BRD10: variants seen among roughly 807,000 people sequenced by gnomAD.
BRD10 encodes the protein uncharacterized bromodomain-containing protein 10.
chr9:5,982,305 T>A, the BRD10 span, among the ~76,000 whole-genome samples: 1 of 152,100 alleles, frequency 6.6e-6, no homozygotes. Flanking sequence ...AGGACTGTGA[T>A]CACCAAGAGA....
At chr9:6,006,230 C>G in the BRD10 span, among the ~76,000 whole-genome samples, 2 of 152,130 alleles carry the variant, frequency 1.3e-5, no homozygotes, top group African/African-American at 4.8e-5. Context: ...TCATTAAATC[C>G]TCAAAGCAAC....
the BRD10 span, among the ~76,000 whole-genome samples, chr9:5,962,022 T>C: frequency 1.1e-3 from 169 of 148,310 alleles, no homozygotes; most frequent in Middle Eastern, 3.2e-3. Context: ...TTCTGCTAGC[T>C]TTTGAATATG....
At chr9:5,969,142 A>C in the BRD10 span, 1 of 1,613,910 alleles carries the variant, frequency 6.2e-7, no homozygotes, top group Non-Finnish European at 8.5e-7. Context: ...TATAAGGCAA[A>C]GTAGGTCTTC....
chr9:5,973,463 T>C, the BRD10 span, among the ~76,000 whole-genome samples: 1 of 152,118 alleles, frequency 6.6e-6, no homozygotes, highest in African/African-American at 2.4e-5. Flanking sequence ...TGAGACTCCA[T>C]CTCAAAAAAT....
the BRD10 span, among the ~76,000 whole-genome samples, chr9:5,899,967 T>C: frequency 6.6e-6 from 1 of 152,244 alleles, no homozygotes; most frequent in Non-Finnish European, 1.5e-5. Flanking sequence ...ACACAATGTA[T>C]ATCCATTTTT....
At chr9:5,935,662 C>A in the BRD10 span, among the ~76,000 whole-genome samples, 1 of 152,170 alleles carries the variant, frequency 6.6e-6, no homozygotes, top group South Asian at 2.1e-4. Context: ...ACAATCTAAA[C>A]CACAAAGTAA....
the BRD10 span, among the ~76,000 whole-genome samples, chr9:5,984,346 A>G: frequency 6.6e-6 from 1 of 152,216 alleles, no homozygotes; most frequent in East Asian, 1.9e-4. Flanking sequence ...AATGGTATAC[A>G]GAGGCATACT....
At chr9:5,921,253 T>C in the BRD10 span, 3 of 1,614,030 alleles carry the variant, frequency 1.9e-6, no homozygotes, top group Admixed American at 1.7e-5. Context: ...TTACAATTGC[T>C]TGACCTATGT....
chr9:6,005,821 T>TTA, the BRD10 span, among the ~76,000 whole-genome samples: 2 of 152,202 alleles, frequency 1.3e-5, no homozygotes, highest in South Asian at 2.1e-4. Flanking sequence ...TACTAAAGTA[T>TTA]TAAAAGTAAT....
the BRD10 span, among the ~76,000 whole-genome samples, chr9:5,882,809 C>T: frequency 3.3e-5 from 5 of 152,162 alleles, no homozygotes; most frequent in Non-Finnish European, 1.5e-5. Context: ...CACATATACA[C>T]CATGGAATAC....
the BRD10 span, chr9:5,923,100 C>T: frequency 6.8e-6 from 11 of 1,613,978 alleles, no homozygotes; most frequent in Non-Finnish European, 9.3e-6. Flanking sequence ...ACATCACTTT[C>T]TAGATTCTCA....
the BRD10 span, among the ~76,000 whole-genome samples, chr9:5,892,055 T>C: frequency 6.6e-6 from 1 of 152,236 alleles, no homozygotes; most frequent in African/African-American, 2.4e-5. Flanking sequence ...TCTAATTTTG[T>C]TAGCCACAGC....
At chr9:5,968,157 ATTTC>A in the BRD10 span, 1 of 1,597,952 alleles carries the variant, frequency 6.3e-7, no homozygotes, top group Non-Finnish European at 8.5e-7. Flanking sequence ...ACATCTTTCA[ATTTC>A]TTTTTTTTCT....
At chr9:5,972,106 A>G in the BRD10 span, among the ~76,000 whole-genome samples, 3 of 152,342 alleles carry the variant, frequency 2.0e-5, no homozygotes, top group South Asian at 6.2e-4. Flanking sequence ...ATGCACCTTA[A>G]GTCTAGACTT....
chr9:5,984,515 T>C, the BRD10 span, among the ~76,000 whole-genome samples: 5 of 151,940 alleles, frequency 3.3e-5, no homozygotes, highest in Admixed American at 6.6e-5. Flanking sequence ...GTAAGCAATA[T>C]TACCAGGGAT....
the BRD10 span, among the ~76,000 whole-genome samples, chr9:5,951,996 G>A: frequency 8.0e-6 from 1 of 125,050 alleles, no homozygotes; most frequent in African/African-American, 3.0e-5. Context: ...GAACCAGGAA[G>A]AGACTTATTT....
chr9:5,940,334 C>T, the BRD10 span, among the ~76,000 whole-genome samples: 1 of 152,116 alleles, frequency 6.6e-6, no homozygotes, highest in Non-Finnish European at 1.5e-5. Flanking sequence ...GCTGGGATTA[C>T]AGGCACGCGC....
chr9:5,924,211 G>C, the BRD10 span, among the ~76,000 whole-genome samples: 2 of 152,198 alleles, frequency 1.3e-5, no homozygotes, highest in South Asian at 4.1e-4. Flanking sequence ...GTTTGTAATG[G>C]GCAATGACAG....
chr9:5,950,356 G>GT, the BRD10 span, among the ~76,000 whole-genome samples: 1 of 152,130 alleles, frequency 6.6e-6, no homozygotes, highest in Non-Finnish European at 1.5e-5. Flanking sequence ...ACAGTAAGCT[G>GT]TATCATTCAA....
Sources: gnomAD v4.1 joint callset for allele counts (sites outside exome capture counted in the v4.1 genomes callset) on GRCh38, gnomAD v4.1.1 for gene constraint, MANE v1.5 for transcripts, NCBI Gene and HGNC (gene_info 2026-07-23, HGNC 2026-07-21) for gene names.